Variants in ZNF69 observed in about 807,000 individuals in gnomAD.
ZNF69 encodes zinc finger protein 69, also known as ZNF3.
In ZNF69, 47 loss-of-function variants were observed where a neutral mutation model predicts 50.9. The ratio of observed to expected loss-of-function variants is 0.92; its 90% CI spans 0.73 to 1.18. The LOEUF (loss-of-function observed/expected upper bound fraction) is 1.18. ZNF69 is among the 50% of genes most tolerant of loss of function. The pLI, the probability that ZNF69 is intolerant of heterozygous loss-of-function variation, is 0.00. For synonymous variants in ZNF69, 216 were observed against 223.1 expected, an observed-to-expected ratio of 0.97 and a Z score of 0.29; for missense variants, 717 against 675.1, an observed-to-expected ratio of 1.06 and a Z score of -0.69.
chr19:11,938,265 A>G, the ZNF69 span, among the ~76,000 whole-genome samples: 4 of 152,014 alleles, frequency 2.6e-5, no homozygotes, highest in African/African-American at 9.7e-5. Context: ...TTTAAGTTCT[A>G]GGGTACATGT....
downstream of ZNF69, among the ~76,000 whole-genome samples, chr19:11,911,484 T>C (rs1299453236): frequency 6.6e-6 from 1 of 152,216 alleles, no homozygotes; most frequent in East Asian, 1.9e-4. Flanking sequence ...CATGGAATAC[T>C]ATGCAGCCAT....
chr19:11,960,265 G>A, the ZNF69 span, among the ~76,000 whole-genome samples: 3 of 152,106 alleles, frequency 2.0e-5, no homozygotes, highest in Admixed American at 1.3e-4. Context: ...TGATCTGCCC[G>A]CCTTGGCCTC....
the ZNF69 span, among the ~76,000 whole-genome samples, chr19:11,928,316 CT>C: frequency 6.6e-5 from 10 of 152,154 alleles, no homozygotes; most frequent in African/African-American, 2.2e-4. Context: ...TAATGGTTTA[CT>C]TTTTTCCCCC....
chr19:11,916,663 T>G (rs1972525290), downstream of ZNF69, among the ~76,000 whole-genome samples: 3 of 152,264 alleles, frequency 2.0e-5, no homozygotes, highest in South Asian at 6.2e-4. Context: ...AACTGAAGCA[T>G]GCTTTGGTAG....
chr19:11,930,339 A>C, the ZNF69 span, among the ~76,000 whole-genome samples: 2 of 148,522 alleles, frequency 1.3e-5, no homozygotes, highest in Non-Finnish European at 2.9e-5. Context: ...ACAAGGTTGT[A>C]TTTAGCTGTC....
the ZNF69 span, among the ~76,000 whole-genome samples, chr19:11,919,750 C>G: frequency 6.6e-6 from 1 of 152,110 alleles, no homozygotes; most frequent in African/African-American, 2.4e-5. Flanking sequence ...GAGGACACAG[C>G]AAGAAGTCAT....
chr19:11,952,000 C>T, the ZNF69 span, among the ~76,000 whole-genome samples: 4 of 152,128 alleles, frequency 2.6e-5, no homozygotes, highest in Non-Finnish European at 5.9e-5. Flanking sequence ...TATGATGAAA[C>T]CCCATCTCTA....
chr19:11,954,338 T>G, the ZNF69 span, among the ~76,000 whole-genome samples: 1 of 152,214 alleles, frequency 6.6e-6, no homozygotes, highest in Non-Finnish European at 1.5e-5. Flanking sequence ...GAAGGCTCCC[T>G]CAGAGAGAAT....
the ZNF69 span, chr19:11,925,119 C>G: frequency 8.0e-6 from 12 of 1,505,364 alleles, no homozygotes; most frequent in East Asian, 7.1e-5. Context: ...TCACCTTCCT[C>G]GCTGCGCGGG....
At chr19:11,890,100 C>T (rs550376754) in intron 1 of ZNF69, among the ~76,000 whole-genome samples, 4 of 152,286 alleles carry the variant, frequency 2.6e-5, no homozygotes, top group South Asian at 2.1e-4. Context: ...TTCCATTCCC[C>T]GGAACGAGCA....
intron 1 of ZNF69, among the ~76,000 whole-genome samples, chr19:11,896,136 G>C (rs764924888): frequency 6.8e-6 from 1 of 146,586 alleles, no homozygotes; most frequent in African/African-American, 2.5e-5. Flanking sequence ...GGAGAATCAC[G>C]AGAACCTGGG....
At chr19:11,963,088 A>AGAGAGAGAGAGTGTGTGTGT in the ZNF69 span, among the ~76,000 whole-genome samples, 46 of 138,312 alleles carry the variant, frequency 3.3e-4, no homozygotes, top group African/African-American at 1.2e-3. Context: ...AGAGAGAGAG[A>AGAGAGAGAGAGTGTGTGTGT]GTGTGTGTGT....
chr19:11,897,335 GA>G (rs1365623195), intron 1 of ZNF69, among the ~76,000 whole-genome samples: 1 of 151,336 alleles, frequency 6.6e-6, no homozygotes, highest in African/African-American at 2.4e-5. Flanking sequence ...CAACAAGAGT[GA>G]AACTCCATCT....
Position 11,905,840 on chromosome 19 carries a change from G to A in ZNF69, c.1443G>A (p.Lys481=). ...CTGGAGAAAGACCTTATAAATGTAA[G>A]CTATGTGGGAAAGGCTTTTATTGTC... ...IHSGERPYKC[K]LCGKGFYCPK... Residue 481 remains lysine (K), a synonymous_variant, in exon 4 of 4, where the codon AAG becomes AAA. Coordinates refer to ENST00000429654, the MANE Select transcript of ZNF69 (RefSeq NM_001364730.1). 2 of 1,613,978 alleles carry A rather than the reference G, an allele frequency of 1.2e-6. No individual in the cohort carries two copies. The highest frequency in any genetic ancestry group is 1.7e-5 in the Admixed American group (1 of 59,994).
At chr19:11,928,001 A>G in the ZNF69 span, among the ~76,000 whole-genome samples, 1 of 146,062 alleles carries the variant, frequency 6.8e-6, no homozygotes, top group African/African-American at 2.5e-5. Context: ...AGATACAACA[A>G]TTTTTTTTTT....
chr19:11,956,722 G>C, the ZNF69 span: 3 of 389,016 alleles, frequency 7.7e-6, no homozygotes, highest in South Asian at 4.3e-4. Context: ...CAGGTGTAGG[G>C]GCTCAAGCCT....
At chr19:11,903,011 C>T (rs1443622693) in intron 1 of ZNF69, among the ~76,000 whole-genome samples, 1 of 152,176 alleles carries the variant, frequency 6.6e-6, no homozygotes, top group African/African-American at 2.4e-5. Context: ...GTGGCACATG[C>T]CTGTGGTCTC....
the ZNF69 span, among the ~76,000 whole-genome samples, chr19:11,967,399 C>G: frequency 6.6e-6 from 1 of 152,022 alleles, no homozygotes; most frequent in Non-Finnish European, 1.5e-5. Context: ...ACAGCAAGAC[C>G]CTGTCTCTAT....
Position 11,903,676 on chromosome 19 carries a change from C to T in ZNF69, c.167C>T (p.Thr56Ile), listed in dbSNP as rs760307831. The T allele has an allele frequency of 2.5e-6, 4 of 1,614,084 alleles. No individual in the cohort carries two copies. The highest frequency in any genetic ancestry group is 3.4e-6 in the Non-Finnish European group (4 of 1,179,984). ...CTCTACAAGGAAGTGATGCTGGAAACTTTCAGGAACCTGACCTCTGTAGGT... is the reference window on the plus strand; with the variant it reads ...CTCTACAAGGAAGTGATGCTGGAAATTTTCAGGAACCTGACCTCTGTAGGT... ...RKLYKEVMLE[T>I]FRNLTSVGKS... Residue 56 changes from threonine (T) to isoleucine (I), a missense_variant, in exon 2 of 4, where the codon ACT becomes ATT. Coordinates refer to ENST00000429654, the MANE Select transcript of ZNF69 (RefSeq NM_001364730.1).
Sources: allele counts gnomAD v4.1 joint callset (sites outside exome capture counted in the v4.1 genomes callset), GRCh38; gene constraint gnomAD v4.1.1; transcripts MANE v1.5; gene names NCBI Gene and HGNC (gene_info 2026-07-23, HGNC 2026-07-21).